Variants in LRP4 observed in about 807,000 individuals in gnomAD.
LRP4 encodes LDL receptor related protein 4, also known as low-density lipoprotein receptor-related protein 4.
A neutral mutation model predicts 220.3 loss-of-function variants in LRP4; 95 were observed. The observed-to-expected ratio is 0.43, with a 90% CI of 0.37 to 0.51. The LOEUF (loss-of-function observed/expected upper bound fraction) is 0.51, where lower values mean the gene tolerates loss of function less well. LRP4 is among the 20% of genes least tolerant of loss of function. The pLI is 0.00. For synonymous variants in LRP4, 903 were observed against 954.6 expected (o/e 0.95, Z 1.00); for missense variants, 1,925 against 2,567.0 (o/e 0.75, Z 5.40).
rs774092474 is a variant in LRP4 at position 46,890,161 on chromosome 11, G to A, written c.1916-41C>T. 6.2e-7 allele frequency: 1 copy of A among 1,607,502 alleles called. No homozygotes were observed. The highest frequency in any genetic ancestry group is 2.2e-5 in the East Asian group (1 of 44,864). On this transcript the variant is annotated intron_variant, in intron 14 of 37. Transcript: ENST00000378623. This position sits in a 1 kb window ranked among gnomAD's most constrained non-coding sequence, Gnocchi z 5.3. ...GAAGACCTCAGTCTGGACGTGGTCT[G>A]CCATGTCCCCTGGGCCCAGGCCTGG...
chr11:46,881,050 TAAAAAACCA>T (rs1489102290), intron 20 of LRP4, among the ~76,000 whole-genome samples: 1 of 46,340 alleles, frequency 2.2e-5, no homozygotes, highest in African/African-American at 1.1e-4. Context: ...ACCCTGCCTC[TAAAAAACCA>T]AAAAAAAAAA....
Position 46,886,325 on chromosome 11 carries a change from C to T in LRP4, c.2424G>A (p.Glu808=). The part of the protein sequence containing the change: ...SRAKWDGTGQ[E]VVVDTSLESP... ...TCAACCTCCCCACGCTGGGCCCTAC[C>T]TCCTGTCCTGTTCCATCCCACTTGG... is the stretch of plus-strand genomic sequence containing the variant. Residue 808 remains glutamate (E), a splice_region_variant and synonymous_variant, in exon 17 of 38, where the codon GAG becomes GAA. Coordinates refer to ENST00000378623, the MANE Select transcript of LRP4 (RefSeq NM_002334.4). The T allele has an allele frequency of 6.3e-7, 1 of 1,584,778 alleles. No individual in the cohort carries two copies. Among genetic ancestry groups the T allele is most frequent in the Non-Finnish European group, 8.6e-7 (1 of 1,164,236 alleles).
intron 22 of LRP4, among the ~76,000 whole-genome samples, chr11:46,877,703 A>G (rs1185023664): frequency 1.3e-5 from 2 of 152,082 alleles, no homozygotes; most frequent in Admixed American, 1.3e-4. Context: ...TCCTGGGCTC[A>G]AGCCTCTGCC....
chr11:46,898,787 C>A (rs1941599816), intron 6 of LRP4, 110 bp from the exon 7 acceptor site: 1 of 1,600,836 alleles, frequency 6.2e-7, no homozygotes, highest in Non-Finnish European at 8.5e-7. Context: ...CCAAGAGGGA[C>A]CAGAAAATCC....
In LRP4 at chr11:46,918,312, G is replaced by A. The variant is rs1406357675; in HGVS notation, c.52+16C>T. ...GCCGGACCCAGGGACAAACTTTCCCGGCGGGCGCCGCTTACCGTGTGCGCA... is the reference window on the plus strand; with the variant it reads ...GCCGGACCCAGGGACAAACTTTCCCAGCGGGCGCCGCTTACCGTGTGCGCA... On this transcript the variant is annotated intron_variant, in intron 1 of 37. Coordinates refer to ENST00000378623, the MANE Select transcript of LRP4 (RefSeq NM_002334.4). This position sits in a 1 kb window ranked among gnomAD's most constrained non-coding sequence, Gnocchi z 6.0. 2.0e-6 allele frequency: 3 copies of A among 1,509,642 alleles called. No individual in the cohort carries two copies. Among genetic ancestry groups the A allele is most frequent in the East Asian group, 2.6e-5 (1 of 38,188 alleles). The allele number at this position is 1,509,642 out of a possible 1,614,324, so 93.5% of individuals were successfully genotyped here.
chr11:46,890,624 T>A lies in LRP4; in HGVS notation c.1698-130A>T. 1 of 694,698 alleles carries A rather than the reference T, an allele frequency of 1.4e-6. No homozygotes were observed. Among genetic ancestry groups the A allele is most frequent in the Non-Finnish European group, 2.5e-6 (1 of 397,608 alleles). The allele number at this position is 694,698 out of a possible 1,614,324, so 43.0% of individuals were successfully genotyped here. A position where few individuals can be genotyped will look rare whatever the true frequency, so the allele number is the denominator to read the frequency against. On this transcript the variant is annotated intron_variant, in intron 13 of 37. Transcript: ENST00000378623. This position sits in a 1 kb window ranked among gnomAD's most constrained non-coding sequence, Gnocchi z 5.3. ...AATGTTTGGTCCACAGAATGAATTT[T>A]TTTTTTAGACGGGGTCTCATTTTGT...
Position 46,902,794 on chromosome 11 carries a change from T to C in LRP4, c.188A>G (p.Glu63Gly). ...GGGGAGGTACTTACTACATCCATCC[T>C]CATCGCTGTGGTCCCCGCAGTCATT... ...GDNDCGDHSD[E>G]DGCILPTCSP... is the part of the protein sequence containing the mutation. Residue 63 changes from glutamate to glycine, a missense_variant, in exon 2 of 38, where the codon GAG (glutamate) becomes GGG (glycine). Glu to Gly is a moderately conservative substitution (Grantham distance 98). Transcript: ENST00000378623. The C allele has an allele frequency of 6.2e-7, 1 of 1,614,080 alleles. No homozygotes were observed. The highest frequency in any genetic ancestry group is 8.5e-7 in the Non-Finnish European group (1 of 1,180,024).
chr11:46,894,340 T>C (rs996534678), intron 12 of LRP4, among the ~76,000 whole-genome samples: 6 of 152,242 alleles, frequency 3.9e-5, no homozygotes, highest in African/African-American at 9.6e-5. Flanking sequence ...CTGATTCCCA[T>C]GATCACAACC....
chr11:46,903,488 T>C (rs893379841), intron 1 of LRP4, among the ~76,000 whole-genome samples: 1 of 151,782 alleles, frequency 6.6e-6, no homozygotes, highest in African/African-American at 2.4e-5. Flanking sequence ...AGCAAGACCT[T>C]GTCTCAAAAA....
At chr11:46,887,592 G>A (rs1941325125) in intron 16 of LRP4, among the ~76,000 whole-genome samples, 1 of 152,032 alleles carries the variant, frequency 6.6e-6, no homozygotes, top group African/African-American at 2.4e-5. Flanking sequence ...CAGCACTTTG[G>A]GAGGCTGAGG....
At position 46,896,021 on chromosome 11, in the gene LRP4, G is replaced by A; in HGVS notation, c.1049-3C>T. 1 of 1,614,048 alleles carries A rather than the reference G, an allele frequency of 6.2e-7. No homozygotes were observed. Among genetic ancestry groups the A allele is most frequent in the Non-Finnish European group, 8.5e-7 (1 of 1,180,034 alleles). ...GTTCTCCTCACCCGTCCGGGGCCCTGTGCCAGCCAAGCCAGAGTTGGGAGT... is the reference window on the plus strand; with the variant it reads ...GTTCTCCTCACCCGTCCGGGGCCCTATGCCAGCCAAGCCAGAGTTGGGAGT... On this transcript the variant is annotated splice_polypyrimidine_tract_variant and splice_region_variant and intron_variant, in intron 9 of 37. Coordinates refer to ENST00000378623, the MANE Select transcript of LRP4 (RefSeq NM_002334.4).
chr11:46,911,838 C>G (rs889896146), intron 1 of LRP4, among the ~76,000 whole-genome samples: 15 of 97,378 alleles, frequency 1.5e-4, no homozygotes, highest in African/African-American at 4.4e-4. Context: ...AGATGGGAAT[C>G]TTCTTTTTTT....
intron 1 of LRP4, among the ~76,000 whole-genome samples, chr11:46,903,646 T>C (rs1164926119): frequency 6.6e-6 from 1 of 152,258 alleles, no homozygotes; most frequent in East Asian, 1.9e-4. Flanking sequence ...ATGGACGCTC[T>C]GCCTCTGTCT....
chr11:46,860,628 T>C (rs1940520321), intron 37 of LRP4, among the ~76,000 whole-genome samples: 1 of 152,234 alleles, frequency 6.6e-6, no homozygotes. Context: ...AGATATTTAC[T>C]GAGCCCCTAT....
intron 11 of LRP4, 65 bp downstream of exon 11, chr11:46,895,101 A>G (rs1458001418): frequency 8.7e-6 from 14 of 1,605,600 alleles, no homozygotes; most frequent in Non-Finnish European, 1.1e-5. Flanking sequence ...CCTGAGCACC[A>G]GAGTACCTGG....
rs1941982446 is a variant in LRP4, at chr11:46,918,227, G to A, written c.52+101C>T. 3 of 1,274,304 alleles carry A rather than the reference G, an allele frequency of 2.4e-6. No individual in the cohort carries two copies. The highest frequency in any genetic ancestry group is 3.2e-6 in the Non-Finnish European group (3 of 928,638). 78.9% of individuals were successfully genotyped at this position (1,274,304 alleles called of 1,614,324 possible). On this transcript the variant is annotated intron_variant, in intron 1 of 37. Coordinates refer to ENST00000378623, the MANE Select transcript of LRP4 (RefSeq NM_002334.4). The surrounding 1 kb of genome is among the most constrained non-coding windows in gnomAD (Gnocchi z 6.0). ...CCCAGGGCCACGGCTAGGAGCGAGG[G>A]CGAGGGGTCTCAGGCCCCGGCCCGC...
intron 8 of LRP4, 130 bp downstream of exon 8, chr11:46,896,739 G>C: frequency 7.3e-7 from 1 of 1,375,372 alleles, no homozygotes; most frequent in Non-Finnish European, 1.0e-6. Context: ...AAGGCCGCAG[G>C]TCAATGATGC....
rs770789654 is a variant in LRP4 at position 46,881,709 on chromosome 11, T to G, written c.2807A>C (p.Lys936Thr). 6.2e-7 allele frequency: 1 copy of G among 1,614,212 alleles called. No homozygotes were observed. Among genetic ancestry groups the G allele is most frequent in the South Asian group, 1.1e-5 (1 of 91,086 alleles). ...TIEFAGLDGSKRKVLIGSQLP... is the reference protein window; with the variant it reads ...TIEFAGLDGSTRKVLIGSQLP... ...TCTTACTGCCACCCTTACCTTCCTC[T>G]TACTGCCATCCAGTCCAGCAAATTC... The change falls in exon 20 of 38, where the codon AAG (lysine) becomes ACG (threonine). Residue 936 changes from lysine (K) to threonine (T), a missense_variant. By Grantham distance (78) the Lys-to-Thr change is moderately conservative. Transcript: ENST00000378623.
At chr11:46,913,564 T>A (rs530092686) in intron 1 of LRP4, among the ~76,000 whole-genome samples, 2 of 152,116 alleles carry the variant, frequency 1.3e-5, no homozygotes, top group South Asian at 2.1e-4. Flanking sequence ...AGCTCCCAAA[T>A]TGGGGCAATT....
Sources: gnomAD v4.1 joint callset for allele counts (sites outside exome capture counted in the v4.1 genomes callset) on GRCh38, gnomAD v4.1.1 for gene constraint, Gnocchi (gnomAD v3.1) non-coding constraint, MANE v1.5 for transcripts, NCBI Gene and HGNC (gene_info 2026-07-23, HGNC 2026-07-21) for gene names.